The following MAL2 variants were observed in gnomAD, a reference collection of about 807,000 sequenced individuals.
MAL2 encodes protein MAL2.
Under a neutral mutation model 18.1 loss-of-function variants are expected in MAL2, and 17 were observed. The observed-to-expected ratio is 0.94, with a 90% CI of 0.64 to 1.41. The LOEUF is 1.41. Ranked by LOEUF, MAL2 falls within the 40% of genes most tolerant of loss-of-function variation. The pLI is 0.00. For missense variants in MAL2, 222 were observed against 231.9 expected, an observed-to-expected ratio of 0.96 and a Z score of 0.28; for synonymous variants, 102 against 102.3, an observed-to-expected ratio of 1.00 and a Z score of 0.02.
intron 3 of MAL2, among the ~76,000 whole-genome samples, chr8:119,240,779 A>G (rs1192846172): frequency 1.3e-5 from 2 of 152,216 alleles, no homozygotes; most frequent in African/African-American, 4.8e-5. Flanking sequence ...AATAAGTTGC[A>G]GTTCCTGCCA....
At position 119,234,267 on chromosome 8, in the gene MAL2, G is replaced by A. The variant is rs187732720; in HGVS notation, c.304-5898G>A. Among the ~76,000 whole-genome samples, 124 of 152,210 alleles carry A rather than the reference G, an allele frequency of 8.1e-4. 1 individual carries two copies. The highest frequency in any genetic ancestry group is 2.1e-3 in the South Asian group (10 of 4,818). On this transcript the variant is annotated intron_variant, in intron 2 of 3. Transcript: ENST00000614891. ...TTTTCAGACCGGCTTAAAAAACGGC[G>A]CACCACGAGATTGTATCCCACACCT...
At chr8:119,238,874 T>C (rs1436679382) in intron 2 of MAL2, among the ~76,000 whole-genome samples, 2 of 151,650 alleles carry the variant, frequency 1.3e-5, no homozygotes, top group African/African-American at 2.4e-5. Flanking sequence ...GGGCAAGGAC[T>C]TCATGTCTAA....
chr8:119,217,134 C>G (rs1333198492), intron 1 of MAL2, among the ~76,000 whole-genome samples: 1 of 152,168 alleles, frequency 6.6e-6, no homozygotes, highest in Non-Finnish European at 1.5e-5. Context: ...GAAAACATGT[C>G]TTCACATCAA....
chr8:119,212,707 A>ATC (rs943504903), intron 1 of MAL2, among the ~76,000 whole-genome samples: 3 of 152,228 alleles, frequency 2.0e-5, no homozygotes, highest in Admixed American at 2.0e-4. Flanking sequence ...ATAATGAGCC[A>ATC]TGGTTCATTA....
chr8:119,240,016 T>A, intron 2 of MAL2, 149 bp from the exon 3 acceptor site: 1 of 871,556 alleles, frequency 1.1e-6, no homozygotes, highest in South Asian at 2.1e-5. Context: ...TAGTCTAACA[T>A]TTCTAAAGCA....
rs1013506330 is a variant in MAL2 at position 119,230,480 on chromosome 8, G to GA, written c.303+8725dup. Among the ~76,000 whole-genome samples the GA allele has an allele frequency of 9.2e-5, 14 of 152,122 alleles. 1 individual carries two copies. The highest frequency in any genetic ancestry group is 3.9e-4 in the Admixed American group (6 of 15,270). ...GGCAAGCAGTAATTGCTTGTGGGCA[G>GA]AATCCTTTCTGGCAGAGACAATACC... On this transcript the variant is annotated intron_variant, in intron 2 of 3. Transcript: ENST00000614891.
At chr8:119,217,826 C>T (rs748100387) in intron 1 of MAL2, among the ~76,000 whole-genome samples, 15 of 152,064 alleles carry the variant, frequency 9.9e-5, no homozygotes, top group Non-Finnish European at 1.9e-4. Flanking sequence ...AACAGGAATG[C>T]TGATAATTAC....
chr8:119,239,541 C>T (rs1817999535), intron 2 of MAL2, among the ~76,000 whole-genome samples: 1 of 151,876 alleles, frequency 6.6e-6, no homozygotes, highest in Admixed American at 6.6e-5. Context: ...CAATGATAGA[C>T]TGGATTAAGA....
chr8:119,235,213 T>C lies in MAL2; in HGVS notation c.304-4952T>C, dbSNP rs142486054. On this transcript the variant is annotated intron_variant, in intron 2 of 3. Coordinates refer to ENST00000614891, the MANE Select transcript of MAL2 (RefSeq NM_052886.3). ...CAACTGGAAGAAAGGGTATCAGCAA[T>C]AGAAGATGAAATGAAGCGAGAAGGG... Among the ~76,000 whole-genome samples, 979 of 151,906 alleles carry C rather than the reference T, an allele frequency of 6.4e-3. 11 individuals are homozygous for C. Among genetic ancestry groups the C allele is most frequent in the African/African-American group, 0.022 (920 of 41,412 alleles).
At chr8:119,234,996 C>A (rs374614124) in intron 2 of MAL2, among the ~76,000 whole-genome samples, 2 of 151,816 alleles carry the variant, frequency 1.3e-5, no homozygotes, top group East Asian at 3.9e-4. Context: ...AGGCTTCAGA[C>A]GATCAAATTA....
chr8:119,240,066 A>T, intron 2 of MAL2, 99 bp from the exon 3 acceptor site: 2 of 1,233,462 alleles, frequency 1.6e-6, no homozygotes, highest in Non-Finnish European at 2.3e-6. Flanking sequence ...TTGTTTAATT[A>T]AATGTTTTGA....
rs1587139416 is a variant in MAL2 at position 119,235,080 on chromosome 8, A to G, written c.304-5085A>G. 3.3e-5 allele frequency among the ~76,000 whole-genome samples: 5 copies of G among 151,952 alleles called. No individual in the cohort carries two copies. The South Asian group carries it at 1.0e-3, about 32-fold the overall frequency. On this transcript the variant is annotated intron_variant, in intron 2 of 3. Coordinates refer to ENST00000614891, the MANE Select transcript of MAL2 (RefSeq NM_052886.3). ...CTTTGAAAAAAATTTAGAAGAATGT[A>G]TAACTAGAATAACCAATACAGAGAA...
chr8:119,208,706 T>G lies in MAL2; in HGVS notation c.132+102T>G. Reference sequence around the variant, plus strand: ...TCCTCTGCGTCCGCCCCCGGCCTCCTTCCCTTCGACGTGGCTTTGTCCTGC... The same window carrying G: ...TCCTCTGCGTCCGCCCCCGGCCTCCGTCCCTTCGACGTGGCTTTGTCCTGC... On this transcript the variant is annotated intron_variant, in intron 1 of 3. Transcript: ENST00000614891. This position sits in a 1 kb window ranked among gnomAD's most constrained non-coding sequence, Gnocchi z 4.3. 5.0e-6 allele frequency: 6 copies of G among 1,199,920 alleles called. No homozygotes were observed. The highest frequency in any genetic ancestry group is 6.2e-6 in the Non-Finnish European group (6 of 966,640). 74.3% of individuals were successfully genotyped at this position (1,199,920 alleles called of 1,614,324 possible). A position where few individuals can be genotyped will look rare whatever the true frequency, so the allele number is the denominator to read the frequency against.
intron 2 of MAL2, among the ~76,000 whole-genome samples, chr8:119,232,376 A>T (rs968136295): frequency 1.3e-5 from 2 of 152,148 alleles, no homozygotes; most frequent in African/African-American, 2.4e-5. Context: ...TAAAATGGAG[A>T]TAATAAATGA....
intron 2 of MAL2, among the ~76,000 whole-genome samples, chr8:119,229,104 C>T (rs1053156223): frequency 2.6e-5 from 4 of 152,264 alleles, no homozygotes; most frequent in Non-Finnish European, 5.9e-5. Context: ...CTAACATCAA[C>T]TCGAAGGGTC....
rs749996607 is a variant in MAL2, at chr8:119,240,235, C to G, written c.374C>G (p.Ser125Cys). ...GAFLLEAAAT[S>C]LHDLHCNTTI... is the part of the protein sequence containing the mutation. ...TTTTTATTGGAAGCAGCAGCCACAT[C>G]CCTGCATGATTTGCATTGCAATACA... The change falls in exon 3 of 4, where the codon TCC becomes TGC. Residue 125 changes from serine to cysteine, a missense_variant. By Grantham distance (112) the Ser-to-Cys change is moderately radical. Transcript: ENST00000614891. 6.2e-7 allele frequency: 1 copy of G among 1,613,686 alleles called. No individual in the cohort carries two copies. The highest frequency in any genetic ancestry group is 8.5e-7 in the Non-Finnish European group (1 of 1,179,798).
At chr8:119,217,430 A>C (rs533305724) in intron 1 of MAL2, among the ~76,000 whole-genome samples, 2 of 152,174 alleles carry the variant, frequency 1.3e-5, no homozygotes, top group African/African-American at 4.8e-5. Context: ...ACCTACTCCT[A>C]GGAGGTTTTT....
chr8:119,233,302 C>T (rs1278376335), intron 2 of MAL2, among the ~76,000 whole-genome samples: 1 of 152,062 alleles, frequency 6.6e-6, no homozygotes, highest in Middle Eastern at 3.2e-3. Context: ...CAAAAGCTAG[C>T]AGAAGGCAAG....
intron 3 of MAL2, among the ~76,000 whole-genome samples, chr8:119,242,774 T>A (rs982338763): frequency 3.9e-5 from 6 of 152,238 alleles, no homozygotes; most frequent in Non-Finnish European, 8.8e-5. Flanking sequence ...CTTTGTCTTT[T>A]AGTCTTCTAT....
Sources: gnomAD v4.1 joint callset for allele counts (sites outside exome capture counted in the v4.1 genomes callset) on GRCh38, gnomAD v4.1.1 for gene constraint, Gnocchi (gnomAD v3.1) non-coding constraint, MANE v1.5 for transcripts, NCBI Gene and HGNC (gene_info 2026-07-23, HGNC 2026-07-21) for gene names.